LRRC3B: variants seen among roughly 807,000 people sequenced by gnomAD.
The protein encoded by LRRC3B is leucine-rich repeat-containing protein 3B.
LRRC3B carries 2 observed loss-of-function variants against 12.8 expected under a neutral mutation model. The observed-to-expected ratio is 0.16, with a 90% CI of 0.06 to 0.49. The LOEUF (loss-of-function observed/expected upper bound fraction) is 0.49. Among genes scored for constraint, LRRC3B ranks in the 20% least tolerant of loss-of-function variants. The probability of loss-of-function intolerance (pLI) is 0.96; values close to 1 mark genes in which losing one functional copy is unlikely to be tolerated. For missense variants in LRRC3B, 189 were observed against 319.4 expected, an observed-to-expected ratio of 0.59 and a Z score of 3.11; for synonymous variants, 132 against 122.0, an observed-to-expected ratio of 1.08 and a Z score of -0.54.
chr3:26,663,604 CTG>C (rs996887057), intron 1 of LRRC3B, among the ~76,000 whole-genome samples: 5 of 152,180 alleles, frequency 3.3e-5, no homozygotes, highest in Admixed American at 1.3e-4. Flanking sequence ...TTTCCATTGA[CTG>C]TGTTGATTTG....
At chr3:26,704,935 A>T (rs1303390067) in intron 1 of LRRC3B, among the ~76,000 whole-genome samples, 2 of 152,098 alleles carry the variant, frequency 1.3e-5, no homozygotes, top group African/African-American at 2.4e-5. Context: ...TTCCTTTTTA[A>T]TCAAATTCTG....
chr3:26,680,163 T>A (rs956010729), intron 1 of LRRC3B, among the ~76,000 whole-genome samples: 2 of 152,156 alleles, frequency 1.3e-5, no homozygotes, highest in African/African-American at 4.8e-5. Context: ...TGGTCCACAG[T>A]CCAGGGAAGG....
intron 1 of LRRC3B, among the ~76,000 whole-genome samples, chr3:26,629,061 G>A (rs1698693923): frequency 6.6e-6 from 1 of 152,038 alleles, no homozygotes; most frequent in Non-Finnish European, 1.5e-5. Flanking sequence ...AAATAAAATG[G>A]AAACAAATAT....
intron 1 of LRRC3B, chr3:26,624,011 C>G (rs1034336841): frequency 6.6e-6 from 1 of 152,352 alleles, no homozygotes; most frequent in East Asian, 1.9e-4. Flanking sequence ...GGCCATCTGA[C>G]GAAGAGGAAA....
At chr3:26,685,679 A>G (rs1700073722) in intron 1 of LRRC3B, among the ~76,000 whole-genome samples, 1 of 146,144 alleles carries the variant, frequency 6.8e-6, no homozygotes, top group Non-Finnish European at 1.5e-5. Context: ...TTTTATGACT[A>G]TACCTTAATT....
intron 1 of LRRC3B, 83 bp from the exon 2 acceptor site, chr3:26,709,430 T>C (rs1700692548): frequency 1.9e-6 from 1 of 526,292 alleles, no homozygotes; most frequent in Non-Finnish European, 3.4e-6. Flanking sequence ...TCAAGCAGAA[T>C]GCCAGACACC....
chr3:26,671,363 T>TAGAGAG (rs1168867674), intron 1 of LRRC3B, among the ~76,000 whole-genome samples: 19 of 46,250 alleles, frequency 4.1e-4, no homozygotes, highest in East Asian at 3.7e-3. Flanking sequence ...TATATATATA[T>TAGAGAG]ATATATATAT....
rs1700360160 is a variant in LRRC3B at position 26,697,961 on chromosome 3, GTC to G, written c.-160-11548_-160-11547del. The stretch of plus-strand genomic sequence containing the variant: ...CATTCTATGATTCTGATTTACCTAT[GTC>G]TCTGAACGTGGATCCCTCTTGGAAT... On this transcript the variant is annotated intron_variant, in intron 1 of 1. Coordinates refer to ENST00000396641, the Ensembl canonical transcript of LRRC3B. Among the ~76,000 whole-genome samples the G allele has an allele frequency of 3.3e-5, 5 of 152,174 alleles. 1 individual carries two copies. In the South Asian group the frequency reaches 1.0e-3, roughly 32 times the overall value.
intron 1 of LRRC3B, among the ~76,000 whole-genome samples, chr3:26,703,222 T>C (rs1700501694): frequency 6.6e-6 from 1 of 152,208 alleles, no homozygotes; most frequent in Admixed American, 6.5e-5. Context: ...ATGGATAACC[T>C]GATCATATAA....
chr3:26,692,608 A>C (rs1157472490), intron 1 of LRRC3B, among the ~76,000 whole-genome samples: 1 of 152,220 alleles, frequency 6.6e-6, no homozygotes, highest in Non-Finnish European at 1.5e-5. Context: ...TGAGGTTTCT[A>C]TTATACTTTT....
At chr3:26,708,952 G>T (rs1353365460) in intron 1 of LRRC3B, among the ~76,000 whole-genome samples, 1 of 152,228 alleles carries the variant, frequency 6.6e-6, no homozygotes, top group Middle Eastern at 3.4e-3. Flanking sequence ...GGAGGTTCTT[G>T]GTTGTCAGCC....
chr3:26,667,828 C>T lies in LRRC3B; in HGVS notation c.-160-41685C>T, dbSNP rs531251963. On this transcript the variant is annotated intron_variant, in intron 1 of 1. Coordinates refer to ENST00000396641, the Ensembl canonical transcript of LRRC3B. Reference sequence around the variant, plus strand: ...CTCTTGTCAAAGAAGAGGATGAGCCCGGGCATTGGGAGGCAAATACCAACC... The same window carrying T: ...CTCTTGTCAAAGAAGAGGATGAGCCTGGGCATTGGGAGGCAAATACCAACC... 5.9e-5 allele frequency among the ~76,000 whole-genome samples: 9 copies of T among 152,008 alleles called. No homozygotes were observed. The South Asian group carries it at 1.7e-3, about 28-fold the overall frequency.
intron 1 of LRRC3B, among the ~76,000 whole-genome samples, chr3:26,705,142 G>T (rs573383626): frequency 5.9e-5 from 9 of 152,118 alleles, no homozygotes; most frequent in Non-Finnish European, 1.3e-4. Flanking sequence ...CCACTGAATG[G>T]CCTGTCTTCT....
At position 26,639,667 on chromosome 3, in the gene LRRC3B, C is replaced by T. The variant is rs145172264; in HGVS notation, c.-161+16430C>T. Among the ~76,000 whole-genome samples, 207 of 152,204 alleles carry T rather than the reference C, an allele frequency of 1.4e-3. 1 individual carries two copies. The highest frequency in any genetic ancestry group is 3.5e-3 in the African/African-American group (145 of 41,550). Reference sequence around the variant, plus strand: ...ATGGACAGGACAGGTATAAACTATACGAAGAAACAATTGGAGAGGAATTCA... The same window carrying T: ...ATGGACAGGACAGGTATAAACTATATGAAGAAACAATTGGAGAGGAATTCA... On this transcript the variant is annotated intron_variant, in intron 1 of 1. Transcript: ENST00000396641.
chr3:26,704,403 A>G (rs1165932572), intron 1 of LRRC3B, among the ~76,000 whole-genome samples: 1 of 152,174 alleles, frequency 6.6e-6, no homozygotes, highest in Non-Finnish European at 1.5e-5. Context: ...ACTAAATACT[A>G]TGCCTAATTT....
intron 1 of LRRC3B, among the ~76,000 whole-genome samples, chr3:26,652,971 T>C (rs1378087300): frequency 6.6e-6 from 1 of 152,052 alleles, no homozygotes; most frequent in South Asian, 2.1e-4. Flanking sequence ...TTTCTGGAGA[T>C]AACTGTCATT....
At chr3:26,700,753 C>T (rs1700433593) in intron 1 of LRRC3B, among the ~76,000 whole-genome samples, 2 of 152,078 alleles carry the variant, frequency 1.3e-5, no homozygotes. Flanking sequence ...TGTATGGTGC[C>T]ATGTTTGATC....
intron 1 of LRRC3B, among the ~76,000 whole-genome samples, chr3:26,693,054 G>A (rs1023605132): frequency 1.3e-5 from 2 of 152,118 alleles, no homozygotes; most frequent in Non-Finnish European, 2.9e-5. Context: ...GAGCAGGCCG[G>A]GCGCGGTGGC....
Position 26,642,845 on chromosome 3 carries a change from T to G in LRRC3B, c.-161+19608T>G, listed in dbSNP as rs1435825773. On this transcript the variant is annotated intron_variant, in intron 1 of 1. Transcript: ENST00000396641. Reference sequence around the variant, plus strand: ...CATCCTGGCTAACATGGTGAAAGCCTGTCTCTACTAAAAATACAAAAATTA... The same window carrying G: ...CATCCTGGCTAACATGGTGAAAGCCGGTCTCTACTAAAAATACAAAAATTA... Among the ~76,000 whole-genome samples the G allele has an allele frequency of 2.6e-5, 4 of 152,036 alleles. No homozygotes were observed. In the South Asian group the frequency reaches 6.2e-4, roughly 24 times the overall value.
Sources: allele counts gnomAD v4.1 joint callset (sites outside exome capture counted in the v4.1 genomes callset), GRCh38; gene constraint gnomAD v4.1.1; transcripts MANE v1.5; gene names NCBI Gene and HGNC (gene_info 2026-07-23, HGNC 2026-07-21).